The following TNRC6B variants were observed in gnomAD, a reference collection of about 807,000 sequenced individuals.
The protein encoded by TNRC6B is trinucleotide repeat containing adaptor 6B, also known as trinucleotide repeat-containing gene 6B protein.
A neutral mutation model predicts 203.6 loss-of-function variants in TNRC6B; 52 were observed. That is an observed-to-expected ratio of 0.26 (90% confidence interval 0.20 to 0.32). The LOEUF (loss-of-function observed/expected upper bound fraction) is 0.32. Among genes scored for constraint, TNRC6B ranks in the 10% least tolerant of loss-of-function variants. The probability of loss-of-function intolerance (pLI) is 1.00; values close to 1 mark genes in which losing one functional copy is unlikely to be tolerated. For missense variants in TNRC6B, 1,923 were observed against 2,286.2 expected (o/e 0.84, Z 3.24); for synonymous variants, 838 against 845.7 (o/e 0.99, Z 0.16).
chr22:40,202,256 T>TTTTGTTTTTG (rs1242110802), intron 1 of TNRC6B, among the ~76,000 whole-genome samples: 3 of 147,324 alleles, frequency 2.0e-5, no homozygotes, highest in African/African-American at 7.5e-5. Context: ...GTTGTTGTTT[T>TTTTGTTTTTG]TTTGTTTTTT....
intron 7 of TNRC6B, among the ~76,000 whole-genome samples, chr22:40,273,862 G>A (rs1381624820): frequency 6.6e-6 from 1 of 152,062 alleles, no homozygotes; most frequent in Non-Finnish European, 1.5e-5. Flanking sequence ...CTGTTGCCAG[G>A]ATGGTCTCAA....
chr22:40,053,830 C>A (rs1227929658), intron 1 of TNRC6B, among the ~76,000 whole-genome samples: 1 of 152,152 alleles, frequency 6.6e-6, no homozygotes, highest in Non-Finnish European at 1.5e-5. Flanking sequence ...TGAGAATAAT[C>A]TTTTAAAACT....
chr22:40,045,070 G>A (rs1017055450), intron 1 of TNRC6B: 1 of 145,558 alleles, frequency 6.9e-6, no homozygotes, highest in Non-Finnish European at 1.5e-5. Flanking sequence ...GGGGCGGCCG[G>A]GGGTCGGCGA....
At chr22:40,071,390 T>C (rs2067946487) in intron 1 of TNRC6B, among the ~76,000 whole-genome samples, 1 of 152,220 alleles carries the variant, frequency 6.6e-6, no homozygotes, top group South Asian at 2.1e-4. Context: ...TCATGTAATA[T>C]CTATCCTATC....
chr22:40,202,889 C>T (rs2069432316), intron 1 of TNRC6B, among the ~76,000 whole-genome samples: 1 of 152,138 alleles, frequency 6.6e-6, no homozygotes, highest in Non-Finnish European at 1.5e-5. Flanking sequence ...CGTCTTATTT[C>T]CACACATTTT....
chr22:40,202,260 G>GTTTTTTTGT (rs2069423411), intron 1 of TNRC6B, among the ~76,000 whole-genome samples: 2 of 129,778 alleles, frequency 1.5e-5, no homozygotes, highest in African/African-American at 5.5e-5. Context: ...TTGTTTTTTT[G>GTTTTTTTGT]TTTTTTTTTT....
chr22:40,152,279 C>T (rs2068765069), intron 3 of TNRC6B, among the ~76,000 whole-genome samples: 1 of 152,172 alleles, frequency 6.6e-6, no homozygotes, highest in Admixed American at 6.5e-5. Flanking sequence ...AACGGAGCAT[C>T]ACCCTCAAAA....
At position 40,333,345 on chromosome 22, in the gene TNRC6B, A is replaced by G. The variant is rs1374578092; in HGVS notation, c.*10104A>G. ...GAGCAAGACTTCGACTCAAAAACAT[A>G]AAATAAACAAAAGACACACACACAC... On this transcript the variant is annotated 3_prime_UTR_variant, in exon 23 of 23. Coordinates refer to ENST00000454349, the MANE Select transcript of TNRC6B (RefSeq NM_001162501.2). 1 of 152,602 alleles carries G rather than the reference A, an allele frequency of 6.6e-6. No individual in the cohort carries two copies. The highest frequency in any genetic ancestry group is 1.5e-5 in the Non-Finnish European group (1 of 68,072). The allele number at this position is 152,602 out of a possible 1,614,324, so 9.5% of individuals were successfully genotyped here.
chr22:40,068,469 C>T lies in TNRC6B; in HGVS notation c.-121+23471C>T, dbSNP rs536160801. ...AGTAGCTGGGACTACAGGCACGCGCCACCATGCCCAGCCAATTTTTGTGTT... is the reference window on the plus strand; with the variant it reads ...AGTAGCTGGGACTACAGGCACGCGCTACCATGCCCAGCCAATTTTTGTGTT... On this transcript the variant is annotated intron_variant, in intron 1 of 23. Coordinates refer to the TNRC6B transcript ENST00000301923. 2.6e-5 allele frequency among the ~76,000 whole-genome samples: 4 copies of T among 152,178 alleles called. No individual in the cohort carries two copies. The East Asian group carries it at 5.8e-4, about 22-fold the overall frequency.
intron 1 of TNRC6B, among the ~76,000 whole-genome samples, chr22:40,179,072 C>T (rs2069101311): frequency 6.6e-6 from 1 of 152,148 alleles, no homozygotes. Flanking sequence ...GGCCATGTAT[C>T]CACTGCGAAG....
At chr22:40,224,284 C>T (rs1024291960) in intron 1 of TNRC6B, among the ~76,000 whole-genome samples, 1 of 152,138 alleles carries the variant, frequency 6.6e-6, no homozygotes, top group Non-Finnish European at 1.5e-5. Flanking sequence ...GGATTATAGG[C>T]GTGAACCACC....
At chr22:40,111,325 G>C (rs2143176) in intron 1 of TNRC6B, among the ~76,000 whole-genome samples, 1 of 152,168 alleles carries the variant, frequency 6.6e-6, no homozygotes, top group Non-Finnish European at 1.5e-5. Context: ...CTCGCCGACC[G>C]CAGTGGGAAT....
At chr22:40,279,134 T>C (rs1423994889) in intron 9 of TNRC6B, among the ~76,000 whole-genome samples, 1 of 152,192 alleles carries the variant, frequency 6.6e-6, no homozygotes, top group East Asian at 1.9e-4. Flanking sequence ...AAGTTGCCAG[T>C]CCTGTCTGTA....
At chr22:40,231,051 C>A (rs574572270) in intron 1 of TNRC6B, among the ~76,000 whole-genome samples, 137 of 151,780 alleles carry the variant, frequency 9.0e-4, no homozygotes, top group African/African-American at 2.5e-3. Flanking sequence ...GTCTCTCTCT[C>A]TCTATATATA....
intron 1 of TNRC6B, among the ~76,000 whole-genome samples, chr22:40,229,712 G>A (rs894003838): frequency 6.6e-6 from 1 of 152,102 alleles, no homozygotes; most frequent in Non-Finnish European, 1.5e-5. Context: ...GAATTGTTCA[G>A]TAGGTACTCT....
chr22:40,230,437 T>C (rs2069852846), intron 1 of TNRC6B, among the ~76,000 whole-genome samples: 1 of 151,894 alleles, frequency 6.6e-6, no homozygotes, highest in Non-Finnish European at 1.5e-5. Flanking sequence ...ACTACAGGCA[T>C]GCACCACTAC....
chr22:40,172,208 A>G (rs1454028713), intron 4 of TNRC6B, among the ~76,000 whole-genome samples: 1 of 152,080 alleles, frequency 6.6e-6, no homozygotes, highest in Non-Finnish European at 1.5e-5. Flanking sequence ...CTCAGCTTAA[A>G]TGTTGCTCCT....
chr22:40,119,167 C>T (rs545841450), intron 2 of TNRC6B, among the ~76,000 whole-genome samples: 2 of 152,346 alleles, frequency 1.3e-5, no homozygotes, highest in East Asian at 3.9e-4. Context: ...TAGTTCTTAA[C>T]ATTTGCTGAG....
At chr22:40,055,899 C>T (rs1419924278) in intron 1 of TNRC6B, among the ~76,000 whole-genome samples, 1 of 152,202 alleles carries the variant, frequency 6.6e-6, no homozygotes, top group Non-Finnish European at 1.5e-5. Flanking sequence ...AAGACAGTTC[C>T]TACAGCTTGA....
Sources: gnomAD v4.1 joint callset for allele counts (sites outside exome capture counted in the v4.1 genomes callset) on GRCh38, gnomAD v4.1.1 for gene constraint, MANE v1.5 for transcripts, NCBI Gene and HGNC (gene_info 2026-07-23, HGNC 2026-07-21) for gene names.